Variants in CNTNAP4 observed in about 807,000 individuals in gnomAD.
CNTNAP4 encodes contactin-associated protein-like 4.
A neutral mutation model predicts 148.4 loss-of-function variants in CNTNAP4; 98 were observed. The ratio of observed to expected loss-of-function variants is 0.66; its 90% CI spans 0.56 to 0.78. CNTNAP4 has a LOEUF of 0.78. Among genes scored for constraint, CNTNAP4 ranks in the 30% least tolerant of loss-of-function variants. CNTNAP4 has a pLI of 0.00. For missense variants in CNTNAP4, 1,935 were observed against 1,565.6 expected (o/e 1.24, Z -3.98); for synonymous variants, 730 against 565.1 (o/e 1.29, Z -4.14).
At chr16:76,419,488 A>G (rs2079105712) in intron 3 of CNTNAP4, among the ~76,000 whole-genome samples, 1 of 151,998 alleles carries the variant, frequency 6.6e-6, no homozygotes, top group Admixed American at 6.6e-5. Context: ...GCCCTCTAAG[A>G]CTGTGGTCAG....
chr16:76,464,459 C>T (rs943445371), intron 9 of CNTNAP4, among the ~76,000 whole-genome samples: 44 of 152,154 alleles, frequency 2.9e-4, no homozygotes, highest in African/African-American at 1.1e-3. Flanking sequence ...CTGTGACAGT[C>T]GTTCCCCCTG....
intron 2 of CNTNAP4, among the ~76,000 whole-genome samples, chr16:76,349,650 A>G (rs1597280256): frequency 6.6e-6 from 1 of 152,176 alleles, no homozygotes; most frequent in South Asian, 2.1e-4. Context: ...GCATTTGAAA[A>G]AAAAGTAATT....
intron 3 of CNTNAP4, among the ~76,000 whole-genome samples, chr16:76,376,781 G>C (rs960881115): frequency 6.6e-6 from 1 of 152,204 alleles, no homozygotes; most frequent in Non-Finnish European, 1.5e-5. Flanking sequence ...GGGCTGGCAA[G>C]AGCATGGAGG....
chr16:76,537,480 G>C (rs1402366515), intron 18 of CNTNAP4, among the ~76,000 whole-genome samples: 1 of 152,108 alleles, frequency 6.6e-6, no homozygotes, highest in Non-Finnish European at 1.5e-5. Context: ...GGAAGACAGA[G>C]AGAATTTGGG....
intron 16 of CNTNAP4, 123 bp from the exon 17 acceptor site, chr16:76,521,916 A>G (rs1447604817): frequency 1.2e-6 from 1 of 865,662 alleles, no homozygotes; most frequent in Non-Finnish European, 1.9e-6. Flanking sequence ...CATTGAAACC[A>G]TCTATGTTCG....
At chr16:76,359,061 C>T (rs1346761278) in intron 3 of CNTNAP4, among the ~76,000 whole-genome samples, 1 of 152,050 alleles carries the variant, frequency 6.6e-6, no homozygotes, top group African/African-American at 2.4e-5. Flanking sequence ...ACTTTTCTGC[C>T]TGGAAGAACA....
chr16:76,458,898 C>G (rs891690546), intron 8 of CNTNAP4, among the ~76,000 whole-genome samples: 12 of 152,204 alleles, frequency 7.9e-5, no homozygotes, highest in African/African-American at 2.7e-4. Flanking sequence ...AATCTCCAAA[C>G]TGCTTTCCAC....
intron 3 of CNTNAP4, among the ~76,000 whole-genome samples, chr16:76,375,801 T>C (rs1351271755): frequency 6.6e-6 from 1 of 152,120 alleles, no homozygotes; most frequent in Non-Finnish European, 1.5e-5. Context: ...ACTTGAATAG[T>C]CGGATTGTCA....
intron 2 of CNTNAP4, among the ~76,000 whole-genome samples, chr16:76,338,538 C>T (rs1461268034): frequency 2.6e-5 from 4 of 152,184 alleles, no homozygotes; most frequent in Non-Finnish European, 5.9e-5. Flanking sequence ...TGAAATGTTT[C>T]TGCTTCCCTA....
intron 4 of CNTNAP4, among the ~76,000 whole-genome samples, chr16:76,444,613 A>G (rs983404300): frequency 2.6e-5 from 4 of 152,114 alleles, no homozygotes; most frequent in African/African-American, 9.7e-5. Flanking sequence ...TTTATGCCAC[A>G]TAACTCAGAA....
intron 2 of CNTNAP4, among the ~76,000 whole-genome samples, chr16:76,346,432 T>TAAAAA (rs59482710): frequency 2.3e-4 from 28 of 123,718 alleles, no homozygotes; most frequent in South Asian, 5.1e-4. Flanking sequence ...CTAGGGAAGA[T>TAAAAA]AAAAAAAAAA....
At chr16:76,300,292 A>G (rs1219283335) in intron 1 of CNTNAP4, among the ~76,000 whole-genome samples, 5 of 152,168 alleles carry the variant, frequency 3.3e-5, no homozygotes, top group Admixed American at 6.5e-5. Context: ...TCATGTCCAC[A>G]TAGCACAATG....
chr16:76,338,891 T>C (rs1020209594), intron 2 of CNTNAP4, among the ~76,000 whole-genome samples: 21 of 152,338 alleles, frequency 1.4e-4, no homozygotes, highest in African/African-American at 4.3e-4. Context: ...TAGTACACTG[T>C]AGAATACAGA....
At chr16:76,371,599 G>A (rs1344139192) in intron 3 of CNTNAP4, among the ~76,000 whole-genome samples, 1 of 152,066 alleles carries the variant, frequency 6.6e-6, no homozygotes, top group Non-Finnish European at 1.5e-5. Flanking sequence ...GTCACTTCTG[G>A]GACAAGGTTA....
chr16:76,463,215 A>G (rs933579083), intron 9 of CNTNAP4, among the ~76,000 whole-genome samples: 18 of 152,258 alleles, frequency 1.2e-4, no homozygotes, highest in African/African-American at 4.1e-4. Context: ...ATAGTAAGAT[A>G]TATAGAACAA....
intron 3 of CNTNAP4, among the ~76,000 whole-genome samples, chr16:76,424,597 T>C (rs8062931): frequency 0.39 from 59,144 of 151,476 alleles, 11,706 homozygotes; most frequent in Middle Eastern, 0.49. Flanking sequence ...CTAGTAAAAA[T>C]GCAGAAAAAA....
In CNTNAP4 at chr16:76,558,626, A is replaced by T. The variant is rs766503685; in HGVS notation, c.3870A>T (p.Lys1290Asn). The T allele has an allele frequency of 3.7e-6, 6 of 1,613,312 alleles. No homozygotes were observed. Among genetic ancestry groups the T allele is most frequent in the Admixed American group, 1.7e-5 (1 of 59,868 alleles). Residue 1290 changes from lysine to asparagine, a missense_variant, in exon 24 of 24, where the codon AAA becomes AAT. Transcript: ENST00000611870. ...ENVDSAEAVL[K>N]SELNIQNAVN... ...TAGACAGTGCTGAGGCTGTTCTGAA[A>T]AGTGAGCTTAATATACAAAATGCAG...
intron 15 of CNTNAP4, among the ~76,000 whole-genome samples, chr16:76,515,686 T>C (rs1332174396): frequency 1.3e-5 from 2 of 152,008 alleles, no homozygotes; most frequent in Non-Finnish European, 2.9e-5. Context: ...CCAAAGAAGG[T>C]ATACAGATGG....
At chr16:76,411,926 T>C (rs2078811922) in intron 3 of CNTNAP4, among the ~76,000 whole-genome samples, 2 of 151,420 alleles carry the variant, frequency 1.3e-5, no homozygotes, top group Admixed American at 6.6e-5. Flanking sequence ...AAACATATTA[T>C]TGTAACTTTC....
Sources: gnomAD v4.1 joint callset for allele counts (sites outside exome capture counted in the v4.1 genomes callset) on GRCh38, gnomAD v4.1.1 for gene constraint, MANE v1.5 for transcripts, NCBI Gene and HGNC (gene_info 2026-07-23, HGNC 2026-07-21) for gene names.